The following MICU1 variants were observed in gnomAD, a reference collection of about 807,000 sequenced individuals.
MICU1 encodes the protein mitochondrial calcium uptake 1, also known as calcium uptake protein 1, mitochondrial.
Under a neutral mutation model 56.8 loss-of-function variants are expected in MICU1, and 45 were observed. The observed-to-expected ratio is 0.79, with a 90% CI of 0.62 to 1.02. The LOEUF (loss-of-function observed/expected upper bound fraction) is 1.02, where lower values mean the gene tolerates loss of function less well. Ranked by LOEUF, MICU1 falls within the 50% of genes least tolerant of loss-of-function variation. The probability of loss-of-function intolerance (pLI) is 0.00; values close to 1 mark genes in which losing one functional copy is unlikely to be tolerated. For synonymous variants in MICU1, 186 were observed against 195.1 expected (o/e 0.95, Z 0.39); for missense variants, 504 against 587.1 (o/e 0.86, Z 1.46).
chr10:72,510,198 G>C (rs11000334), intron 5 of MICU1, among the ~76,000 whole-genome samples: 1 of 152,072 alleles, frequency 6.6e-6, no homozygotes, highest in Non-Finnish European at 1.5e-5. Flanking sequence ...ACAATCATCC[G>C]GGCCATGCTG....
intron 5 of MICU1, among the ~76,000 whole-genome samples, chr10:72,520,828 G>A (rs537840973): frequency 6.6e-6 from 1 of 152,044 alleles, no homozygotes; most frequent in African/African-American, 2.4e-5. Context: ...TTACTGCAAA[G>A]GTTTGTTTTA....
chr10:72,522,564 C>T (rs908234721), intron 5 of MICU1, among the ~76,000 whole-genome samples: 1 of 152,068 alleles, frequency 6.6e-6, no homozygotes, highest in African/African-American at 2.4e-5. Context: ...GTTAGATTAA[C>T]AAACTTTAGT....
intron 8 of MICU1, among the ~76,000 whole-genome samples, chr10:72,424,338 C>T (rs1171068083): frequency 1.3e-5 from 2 of 152,016 alleles, no homozygotes; most frequent in Non-Finnish European, 2.9e-5. Flanking sequence ...GTCTTGAACT[C>T]CTGACCTCAG....
chr10:72,370,564 C>A (rs969517293), intron 11 of MICU1, among the ~76,000 whole-genome samples: 2 of 152,010 alleles, frequency 1.3e-5, no homozygotes, highest in African/African-American at 4.8e-5. Context: ...ATATAAAGTA[C>A]AAAGGTAAAA....
chr10:72,593,567 G>C (rs1841289066), intron 1 of MICU1, among the ~76,000 whole-genome samples: 1 of 150,260 alleles, frequency 6.7e-6, no homozygotes, highest in Non-Finnish European at 1.5e-5. Flanking sequence ...AAAGGAAGAA[G>C]TAAAATTATC....
chr10:72,585,799 T>C lies in MICU1; in HGVS notation c.-1-19005A>G, dbSNP rs75721315. Reference sequence around the variant, plus strand: ...CAAGGGATAGGTTCCAGGACCCTCATAGACACCAAAATCCCAGATGCTCAA... The same window carrying C: ...CAAGGGATAGGTTCCAGGACCCTCACAGACACCAAAATCCCAGATGCTCAA... On this transcript the variant is annotated intron_variant, in intron 1 of 11. Coordinates refer to ENST00000361114, the MANE Select transcript of MICU1 (RefSeq NM_001195518.2). 8.6e-3 allele frequency among the ~76,000 whole-genome samples: 1,306 copies of C among 152,176 alleles called. 20 individuals carry two copies. Among genetic ancestry groups the C allele is most frequent in the African/African-American group, 0.029 (1,225 of 41,528 alleles).
chr10:72,530,779 CACTG>C (rs1291726392), intron 5 of MICU1, among the ~76,000 whole-genome samples: 2 of 152,172 alleles, frequency 1.3e-5, no homozygotes, highest in Non-Finnish European at 2.9e-5. Flanking sequence ...ATTCAGTTCT[CACTG>C]ACTATCAGTT....
At chr10:72,610,568 G>A (rs1841817225) in intron 1 of MICU1, among the ~76,000 whole-genome samples, 1 of 152,140 alleles carries the variant, frequency 6.6e-6, no homozygotes, top group Admixed American at 6.6e-5. Flanking sequence ...AGGTAGTACT[G>A]GAATTACCAG....
intron 5 of MICU1, among the ~76,000 whole-genome samples, chr10:72,523,046 A>G (rs1162122495): frequency 1.3e-5 from 2 of 152,216 alleles, no homozygotes; most frequent in Non-Finnish European, 2.9e-5. Flanking sequence ...TTTGTCACCT[A>G]GTGTGGTTGA....
chr10:72,419,973 T>C (rs867478117), intron 9 of MICU1, among the ~76,000 whole-genome samples: 1 of 152,198 alleles, frequency 6.6e-6, no homozygotes, highest in Non-Finnish European at 1.5e-5. Flanking sequence ...GTTCTTTTGA[T>C]AGTAAGTCTC....
chr10:72,444,507 T>C (rs1865047149), intron 8 of MICU1, among the ~76,000 whole-genome samples: 1 of 145,226 alleles, frequency 6.9e-6, no homozygotes, highest in Non-Finnish European at 1.5e-5. Flanking sequence ...TGGAGTGCAG[T>C]GGTGCAATCT....
Position 72,597,180 on chromosome 10 carries a change from C to T in MICU1, c.-2+28830G>A, listed in dbSNP as rs559966429. ...TTTATAAACATCATTTATCCAGATT[C>T]TATCACAATGAATATACATATTTCA... On this transcript the variant is annotated intron_variant, in intron 1 of 11. Coordinates refer to ENST00000361114, the MANE Select transcript of MICU1 (RefSeq NM_001195518.2). 7.2e-5 allele frequency among the ~76,000 whole-genome samples: 11 copies of T among 152,274 alleles called. 1 individual carries two copies. The South Asian group carries it at 2.3e-3, about 32-fold the overall frequency.
intron 4 of MICU1, among the ~76,000 whole-genome samples, chr10:72,538,203 G>A (rs1839683224): frequency 6.6e-6 from 1 of 151,988 alleles, no homozygotes; most frequent in Admixed American, 6.6e-5. Flanking sequence ...GACAACTTCT[G>A]TGCATTAAAA....
In MICU1 at chr10:72,387,748, A is replaced by C. The variant is rs868520739; in HGVS notation, c.1181-11876T>G. ...AAAGCAGTAGATTCCACTTCCTCAG[A>C]GAACAAAGAGCCTTATCTGGTGCTT... On this transcript the variant is annotated intron_variant, in intron 10 of 11. Transcript: ENST00000361114. Among the ~76,000 whole-genome samples, 7 of 1,858 alleles carry C rather than the reference A, an allele frequency of 3.8e-3. No homozygotes were observed. The South Asian group carries it at 0.1, about 27-fold the overall frequency. The allele number at this position is 1,858 out of a possible 152,430, so 1.2% of individuals were successfully genotyped here.
chr10:72,496,048 C>T (rs1014281239), intron 6 of MICU1, among the ~76,000 whole-genome samples: 13 of 151,882 alleles, frequency 8.6e-5, no homozygotes, highest in African/African-American at 2.7e-4. Flanking sequence ...CTCACTGCAA[C>T]CTCTGTCTCC....
At chr10:72,457,338 C>T (rs1865503777) in intron 8 of MICU1, among the ~76,000 whole-genome samples, 3 of 151,514 alleles carry the variant, frequency 2.0e-5, no homozygotes, top group Non-Finnish European at 4.4e-5. Context: ...CTGCCTCAGC[C>T]TCCCAAGTAG....
chr10:72,429,822 T>A (rs970664488), intron 8 of MICU1, among the ~76,000 whole-genome samples: 8 of 152,358 alleles, frequency 5.3e-5, no homozygotes, highest in African/African-American at 1.9e-4. Flanking sequence ...CCAGGTGCCA[T>A]CCTAGGAACT....
intron 4 of MICU1, among the ~76,000 whole-genome samples, chr10:72,548,260 C>T (rs559608661): frequency 6.6e-5 from 10 of 151,592 alleles, no homozygotes; most frequent in South Asian, 2.1e-4. Context: ...ATATGTCTCA[C>T]ATAAATGGCA....
chr10:72,551,720 T>C lies in MICU1; in HGVS notation c.331-379A>G, dbSNP rs72810171. ...ACAATGCCATATATATGCCAACCTATAGCTTCTTAAATACCAAGTCTTTTT... is the reference window on the plus strand; with the variant it reads ...ACAATGCCATATATATGCCAACCTACAGCTTCTTAAATACCAAGTCTTTTT... On this transcript the variant is annotated intron_variant, in intron 3 of 11. Transcript: ENST00000361114. Among the ~76,000 whole-genome samples the C allele has an allele frequency of 2.1e-3, 324 of 152,306 alleles. 2 individuals carry two copies. Among genetic ancestry groups the C allele is most frequent in the Non-Finnish European group, 2.9e-3 (198 of 68,028 alleles).
Sources: allele counts gnomAD v4.1 joint callset (sites outside exome capture counted in the v4.1 genomes callset), GRCh38; gene constraint gnomAD v4.1.1; transcripts MANE v1.5; gene names NCBI Gene and HGNC (gene_info 2026-07-23, HGNC 2026-07-21).